Variants in POLA1 observed in about 807,000 individuals in gnomAD.
POLA1 encodes the protein DNA polymerase alpha 1, catalytic subunit.
Under a neutral mutation model 124.0 loss-of-function variants are expected in POLA1, and 15 were observed. The observed-to-expected ratio is 0.12, with a 90% CI of 0.08 to 0.19. POLA1 has a LOEUF of 0.19. Among genes scored for constraint, POLA1 ranks in the 10% least tolerant of loss-of-function variants. The pLI is 1.00. For missense variants in POLA1, 886 were observed against 1,103.4 expected (o/e 0.80, Z 2.79); for synonymous variants, 408 against 389.4 (o/e 1.05, Z -0.56).
intron 36 of POLA1, among the ~76,000 whole-genome samples, chrX:24,935,250 GA>G (rs906770822): frequency 8.9e-6 from 1 of 112,422 alleles, no homozygotes; most frequent in Admixed American, 9.4e-5. Context: ...CCTTCAGTAT[GA>G]ATTTTGGGGG....
At position 24,724,768 on chromosome X, in the gene POLA1, C is replaced by T. The variant is rs141060891; in HGVS notation, c.1317+317C>T. Reference sequence around the variant, plus strand: ...AGTGCAGAAGAAACTGCTCTGATCTCGTTTATATTAGTTGTTGCCAAGATG... The same window carrying T: ...AGTGCAGAAGAAACTGCTCTGATCTTGTTTATATTAGTTGTTGCCAAGATG... On this transcript the variant is annotated intron_variant, in intron 12 of 36. Coordinates refer to ENST00000379068, the MANE Select transcript of POLA1 (RefSeq NM_001330360.2). Among the ~76,000 whole-genome samples the T allele has an allele frequency of 3.1e-3, 345 of 112,039 alleles. 5 individuals carry two copies. The highest frequency in any genetic ancestry group is 0.011 in the African/African-American group (331 of 30,851).
intron 26 of POLA1, among the ~76,000 whole-genome samples, chrX:24,796,280 G>C (rs1366428123): frequency 9.0e-6 from 1 of 111,546 alleles, no homozygotes; most frequent in African/African-American, 3.3e-5. Flanking sequence ...ACATGACAAA[G>C]CAAGGTGCTC....
At chrX:24,861,532 T>C (rs1345230112) in intron 34 of POLA1, among the ~76,000 whole-genome samples, 1 of 112,802 alleles carries the variant, frequency 8.9e-6, no homozygotes. Context: ...TTTTCTAAAC[T>C]AATGCTTTAC....
chrX:24,957,274 G>T (rs913768488), intron 36 of POLA1, among the ~76,000 whole-genome samples: 11 of 112,396 alleles, frequency 9.8e-5, no homozygotes, highest in African/African-American at 3.2e-4. Flanking sequence ...AGATGGTCCT[G>T]TGGAATTGTC....
At chrX:24,870,716 C>T (rs1417237369) in intron 34 of POLA1, among the ~76,000 whole-genome samples, 1 of 111,509 alleles carries the variant, frequency 9.0e-6, no homozygotes, top group African/African-American at 3.3e-5. Context: ...AGAAGTAAGG[C>T]AATGGACTAG....
In POLA1 at chrX:24,821,503, G is replaced by A. The variant is rs758179290; in HGVS notation, c.3481G>A (p.Val1161Ile). The A allele has an allele frequency of 4.2e-6, 5 of 1,199,477 alleles. No homozygotes were observed. The highest frequency in any genetic ancestry group is 2.2e-5 in the Admixed American group (1 of 45,728). ...CCCTGATAAAAAAAGCCTACCTCAT[G>A]TACATGTTGCCCTCTGGATAAATTC... is the stretch of plus-strand genomic sequence containing the variant. ...DYPDKKSLPH[V>I]HVALWINSQG... The change falls in exon 31 of 37, where the codon GTA becomes ATA. Residue 1161 changes from valine to isoleucine, a missense_variant. Val to Ile is a conservative substitution (Grantham distance 29). Transcript: ENST00000379068.
chrX:24,812,068 A>T (rs893534088), intron 28 of POLA1, among the ~76,000 whole-genome samples: 1 of 112,395 alleles, frequency 8.9e-6, no homozygotes, highest in African/African-American at 3.2e-5. Context: ...CAAGCCTGGC[A>T]CATTGTGCTC....
intron 29 of POLA1, 94 bp downstream of exon 29, chrX:24,812,957 A>G: frequency 6.8e-6 from 3 of 440,794 alleles, no homozygotes; most frequent in Non-Finnish European, 1.2e-5. Context: ...GTCAAGCCCA[A>G]GAACACTTCT....
intron 10 of POLA1, 86 bp downstream of exon 10, chrX:24,717,844 G>T: frequency 2.3e-5 from 14 of 615,240 alleles, no homozygotes; most frequent in Non-Finnish European, 3.1e-5. Context: ...CTTTTTGTGT[G>T]TTTTGTCTTT....
rs746470653 is a variant in POLA1 at position 24,878,085 on chromosome X, G to A, written c.4048-9921G>A. ...CAGCCAGATCTCTTGTCTACCCTTA[G>A]TTCTGTTTACAGACTATTCAAACGG... On this transcript the variant is annotated intron_variant, in intron 34 of 36. Coordinates refer to ENST00000379068, the MANE Select transcript of POLA1 (RefSeq NM_001330360.2). 3.6e-5 allele frequency among the ~76,000 whole-genome samples: 4 copies of A among 110,667 alleles called. No individual in the cohort carries two copies. The East Asian group carries it at 1.1e-3, about 31-fold the overall frequency.
chrX:24,966,162 G>T (rs751539051), intron 36 of POLA1, among the ~76,000 whole-genome samples: 1 of 112,158 alleles, frequency 8.9e-6, no homozygotes, highest in Non-Finnish European at 1.9e-5. Flanking sequence ...GAAATGCATC[G>T]TTCTTCAAGT....
chrX:24,731,592 G>A (rs5944673), intron 15 of POLA1, among the ~76,000 whole-genome samples: 241 of 111,553 alleles, frequency 2.2e-3, no homozygotes, highest in Non-Finnish European at 3.7e-3. Context: ...ACAATGTCTG[G>A]AGACATTTTT....
chrX:24,772,133 T>C (rs754192709), intron 26 of POLA1, among the ~76,000 whole-genome samples: 19 of 111,773 alleles, frequency 1.7e-4, no homozygotes, highest in Middle Eastern at 4.7e-3. Flanking sequence ...GAGATAGATG[T>C]CACGTAATTT....
chrX:24,830,518 T>C (rs1191107633), intron 32 of POLA1, among the ~76,000 whole-genome samples: 1 of 112,509 alleles, frequency 8.9e-6, no homozygotes, highest in African/African-American at 3.2e-5. Context: ...ATTATTGCTA[T>C]TGGGCTTAAA....
intron 18 of POLA1, among the ~76,000 whole-genome samples, chrX:24,736,213 G>A (rs1159276655): frequency 9.0e-6 from 1 of 111,728 alleles, no homozygotes; most frequent in African/African-American, 3.3e-5. Flanking sequence ...TCTTGCAAAA[G>A]TGTTTGCCGT....
intron 34 of POLA1, among the ~76,000 whole-genome samples, chrX:24,871,951 A>G (rs1237691934): frequency 8.9e-6 from 1 of 112,008 alleles, no homozygotes; most frequent in Non-Finnish European, 1.9e-5. Flanking sequence ...AGAATCTGTA[A>G]TGATTTTAAT....
intron 26 of POLA1, among the ~76,000 whole-genome samples, chrX:24,758,775 G>A (rs1300383354): frequency 1.8e-5 from 2 of 112,353 alleles, no homozygotes; most frequent in Non-Finnish European, 1.9e-5. Context: ...CGCCTCCCGG[G>A]TTCACACCAT....
chrX:24,983,873 T>C (rs1420460396), intron 36 of POLA1, among the ~76,000 whole-genome samples: 1 of 111,231 alleles, frequency 9.0e-6, no homozygotes, highest in Admixed American at 9.5e-5. Context: ...AAGCACCATT[T>C]GCCTCTTCTG....
intron 35 of POLA1, among the ~76,000 whole-genome samples, chrX:24,918,488 A>G (rs1291688672): frequency 1.8e-5 from 2 of 111,947 alleles, no homozygotes; most frequent in East Asian, 5.6e-4. Context: ...TATACCAGCT[A>G]CTATGTTTCA....
Sources: allele counts gnomAD v4.1 joint callset (sites outside exome capture counted in the v4.1 genomes callset), GRCh38; gene constraint gnomAD v4.1.1; transcripts MANE v1.5; gene names NCBI Gene and HGNC (gene_info 2026-07-23, HGNC 2026-07-21).